Variants in TMEM132B observed in about 807,000 individuals in gnomAD.
The protein encoded by TMEM132B is transmembrane protein 132B.
A neutral mutation model predicts 90.8 loss-of-function variants in TMEM132B; 18 were observed. That is an observed-to-expected ratio of 0.20 (90% CI 0.14 to 0.29). The LOEUF (loss-of-function observed/expected upper bound fraction) is 0.29, where lower values mean the gene tolerates loss of function less well. Among genes scored for constraint, TMEM132B ranks in the 10% least tolerant of loss-of-function variants. The probability of loss-of-function intolerance (pLI) is 1.00; values close to 1 mark genes in which losing one functional copy is unlikely to be tolerated. For missense variants in TMEM132B, 1,096 were observed against 1,326.8 expected (o/e 0.83, Z 2.70); for synonymous variants, 504 against 523.3 (o/e 0.96, Z 0.50).
Position 125,349,331 on chromosome 12 carries a change from C to A in TMEM132B, c.68-121C>A. ...TTACAGGGCTTTCACTGTGATGAGA[C>A]CTGGGGGAGAAACAGTGGCCAGTGG... On this transcript the variant is annotated intron_variant, in intron 1 of 8. Transcript: ENST00000682704. This position sits in a 1 kb window ranked among gnomAD's most constrained non-coding sequence, Gnocchi z 4.1. 9.2e-7 allele frequency: 1 copy of A among 1,081,164 alleles called. No individual in the cohort carries two copies. The highest frequency in any genetic ancestry group is 1.3e-6 in the Non-Finnish European group (1 of 752,082). 67.0% of individuals were successfully genotyped at this position (1,081,164 alleles called of 1,614,324 possible).
intron 1 of TMEM132B, among the ~76,000 whole-genome samples, chr12:125,249,723 T>C (rs1874276385): frequency 6.6e-6 from 1 of 152,232 alleles, no homozygotes; most frequent in African/African-American, 2.4e-5. Context: ...CATCAAGCTA[T>C]CATCAAGCAC....
At chr12:125,257,084 A>G (rs1404130961) in intron 1 of TMEM132B, among the ~76,000 whole-genome samples, 3 of 152,138 alleles carry the variant, frequency 2.0e-5, no homozygotes, top group Admixed American at 6.6e-5. Context: ...AGGCTGAGGC[A>G]GGAGGATTAC....
At chr12:125,394,748 C>A (rs1051901924) in intron 2 of TMEM132B, among the ~76,000 whole-genome samples, 1 of 152,136 alleles carries the variant, frequency 6.6e-6, no homozygotes, top group South Asian at 2.1e-4. Context: ...TGGGGATCAT[C>A]ATAATATGGA....
At chr12:125,229,401 G>C (rs1247539451) in intron 1 of TMEM132B, among the ~76,000 whole-genome samples, 1 of 152,156 alleles carries the variant, frequency 6.6e-6, no homozygotes, top group Non-Finnish European at 1.5e-5. Context: ...GGTCCTTACC[G>C]TCACTAGGTT....
chr12:125,229,751 G>T (rs1486934469), intron 1 of TMEM132B, among the ~76,000 whole-genome samples: 1 of 152,234 alleles, frequency 6.6e-6, no homozygotes, highest in African/African-American at 2.4e-5. Flanking sequence ...GCTTCTGTTG[G>T]CTGTGTTTCT....
At chr12:125,426,397 TA>T (rs1880321050) in intron 3 of TMEM132B, among the ~76,000 whole-genome samples, 1 of 152,224 alleles carries the variant, frequency 6.6e-6, no homozygotes, top group Non-Finnish European at 1.5e-5. Flanking sequence ...GCCAGTTCCA[TA>T]ATATGTTCAT....
chr12:125,638,321 G>A (rs568974543), intron 5 of TMEM132B, among the ~76,000 whole-genome samples: 10 of 152,232 alleles, frequency 6.6e-5, no homozygotes, highest in South Asian at 2.1e-4. Flanking sequence ...TGAAAACAAC[G>A]CAGGGTTCAT....
At chr12:125,429,020 C>T (rs766132211) in intron 3 of TMEM132B, among the ~76,000 whole-genome samples, 5 of 152,160 alleles carry the variant, frequency 3.3e-5, no homozygotes, top group African/African-American at 4.8e-5. Context: ...TATAGATTTA[C>T]AGAAAAATTG....
chr12:125,432,506 T>A (rs1880557538), intron 3 of TMEM132B, among the ~76,000 whole-genome samples: 1 of 17,934 alleles, frequency 5.6e-5, no homozygotes, highest in Non-Finnish European at 1.1e-4. Context: ...TATATATGTG[T>A]GTGTGTATAT....
chr12:125,607,204 C>T (rs1180529013), intron 5 of TMEM132B, among the ~76,000 whole-genome samples: 1 of 152,038 alleles, frequency 6.6e-6, no homozygotes, highest in South Asian at 2.1e-4. Context: ...AGTGTAATAC[C>T]CTTCAATGTG....
chr12:125,256,212 C>T (rs1874435830), intron 1 of TMEM132B, among the ~76,000 whole-genome samples: 1 of 152,126 alleles, frequency 6.6e-6, no homozygotes, highest in South Asian at 2.1e-4. Context: ...TGCTGGAAAA[C>T]AGGGAGGTGT....
chr12:125,522,190 C>G (rs1053325619), intron 4 of TMEM132B, among the ~76,000 whole-genome samples: 1 of 152,190 alleles, frequency 6.6e-6, no homozygotes, highest in African/African-American at 2.4e-5. Context: ...TTAGTCTCCC[C>G]CTTTCTATTT....
chr12:125,395,445 G>A (rs916901414), intron 2 of TMEM132B, among the ~76,000 whole-genome samples: 14 of 152,174 alleles, frequency 9.2e-5, no homozygotes, highest in Non-Finnish European at 1.8e-4. Context: ...TGATGGATAT[G>A]ACAACAGAGG....
chr12:125,198,738 A>C (rs75710808), intron 1 of TMEM132B, among the ~76,000 whole-genome samples: 5,972 of 152,274 alleles, frequency 0.039, 154 homozygotes, highest in African/African-American at 0.065. Context: ...ACTACTGCAG[A>C]CCACCAAGTA....
intron 2 of TMEM132B, among the ~76,000 whole-genome samples, chr12:125,404,657 A>G (rs867696314): frequency 6.6e-6 from 1 of 152,182 alleles, no homozygotes. Flanking sequence ...TCCACATTTT[A>G]CAGATAAGGA....
At chr12:125,453,644 CAGT>C (rs1881214886) in intron 3 of TMEM132B, among the ~76,000 whole-genome samples, 1 of 152,176 alleles carries the variant, frequency 6.6e-6, no homozygotes, top group South Asian at 2.1e-4. Flanking sequence ...ATGCCAATTA[CAGT>C]AGGTTAGTCT....
intron 1 of TMEM132B, among the ~76,000 whole-genome samples, chr12:125,196,647 G>A (rs951497963): frequency 1.3e-5 from 2 of 152,196 alleles, no homozygotes; most frequent in Non-Finnish European, 2.9e-5. Flanking sequence ...AGGCAGAGTT[G>A]CAGTGAGCCG....
intron 4 of TMEM132B, among the ~76,000 whole-genome samples, chr12:125,535,259 C>G (rs1883765829): frequency 6.6e-6 from 1 of 152,168 alleles, no homozygotes; most frequent in African/African-American, 2.4e-5. Context: ...CTGATGGCCC[C>G]TTTGTGTTGA....
intron 1 of TMEM132B, among the ~76,000 whole-genome samples, chr12:125,197,777 G>GA (rs1872957941): frequency 1.3e-5 from 2 of 152,176 alleles, no homozygotes; most frequent in African/African-American, 4.8e-5. Context: ...TTTAATGTCA[G>GA]AAAAAATTAT....
Sources: gnomAD v4.1 joint callset for allele counts (sites outside exome capture counted in the v4.1 genomes callset) on GRCh38, gnomAD v4.1.1 for gene constraint, Gnocchi (gnomAD v3.1) non-coding constraint, MANE v1.5 for transcripts, NCBI Gene and HGNC (gene_info 2026-07-23, HGNC 2026-07-21) for gene names.